RUNX1T1: variants seen among roughly 807,000 people sequenced by gnomAD.
RUNX1T1 encodes the protein protein CBFA2T1.
A neutral mutation model predicts 62.8 loss-of-function variants in RUNX1T1; 4 were observed. The observed-to-expected ratio is 0.06, with a 90% CI of 0.03 to 0.15. The LOEUF (loss-of-function observed/expected upper bound fraction) is 0.15. Ranked by LOEUF, RUNX1T1 falls within the 10% of genes least tolerant of loss-of-function variation. The probability of loss-of-function intolerance (pLI) is 1.00; values close to 1 mark genes in which losing one functional copy is unlikely to be tolerated. For synonymous variants in RUNX1T1, 291 were observed against 286.0 expected, an observed-to-expected ratio of 1.02 and a Z score of -0.18; for missense variants, 508 against 754.3, an observed-to-expected ratio of 0.67 and a Z score of 3.82.
At chr8:92,095,137 T>C (rs1327680617) in intron 1 of RUNX1T1, 3 of 1,535,540 alleles carry the variant, frequency 2.0e-6, no homozygotes, top group Non-Finnish European at 8.7e-7. Context: ...TCTTTCTCAC[T>C]CTGCTAATCT....
rs552156305 is a variant in RUNX1T1, at chr8:92,081,669, C to T, written c.-85-5532G>A. On this transcript the variant is annotated intron_variant, in intron 1 of 11. Coordinates refer to the RUNX1T1 transcript ENST00000265814. ...GGCATCTGTTCCATGCCAGCAATTTCCACCTGGAAAAAAAAAAATGGAACT... is the reference window on the plus strand; with the variant it reads ...GGCATCTGTTCCATGCCAGCAATTTTCACCTGGAAAAAAAAAAATGGAACT... Among the ~76,000 whole-genome samples the T allele has an allele frequency of 3.3e-5, 5 of 150,630 alleles. No homozygotes were observed. The East Asian group carries it at 9.8e-4, about 29-fold the overall frequency.
intron 1 of RUNX1T1, among the ~76,000 whole-genome samples, chr8:92,054,701 T>TA (rs1205817543): frequency 6.6e-6 from 1 of 152,068 alleles, no homozygotes; most frequent in African/African-American, 2.4e-5. Flanking sequence ...AAGCTAAAGA[T>TA]AAAATACATT....
chr8:91,958,825 G>C (rs1809774174), downstream of RUNX1T1: 1 of 185,736 alleles, frequency 5.4e-6, no homozygotes, highest in African/African-American at 2.4e-5. Context: ...ACACCAATAT[G>C]TTAGCATTCC....
At chr8:92,050,467 G>C (rs569164755) in intron 1 of RUNX1T1, among the ~76,000 whole-genome samples, 5 of 152,258 alleles carry the variant, frequency 3.3e-5, no homozygotes, top group African/African-American at 9.6e-5. Flanking sequence ...ACTGAGCACT[G>C]TGCTGGGTCT....
chr8:91,975,553 T>A (rs1416619702), intron 9 of RUNX1T1, among the ~76,000 whole-genome samples: 1 of 151,780 alleles, frequency 6.6e-6, no homozygotes, highest in Non-Finnish European at 1.5e-5. Flanking sequence ...ACACTGGAAT[T>A]TTTTCATCAA....
At chr8:92,095,179 G>A (rs1468662194) in intron 1 of RUNX1T1, 5 of 1,535,092 alleles carry the variant, frequency 3.3e-6, no homozygotes, top group African/African-American at 1.4e-5. Context: ...CAGCTAAGAG[G>A]AGCGACAGAT....
At chr8:92,035,420 C>T (rs888748227) in intron 1 of RUNX1T1, among the ~76,000 whole-genome samples, 5 of 151,912 alleles carry the variant, frequency 3.3e-5, no homozygotes, top group Non-Finnish European at 7.4e-5. Flanking sequence ...ATTTGGTACA[C>T]TAAAAGCCTC....
intron 1 of RUNX1T1, among the ~76,000 whole-genome samples, chr8:92,058,624 T>C (rs1831419777): frequency 6.6e-6 from 1 of 152,212 alleles, no homozygotes; most frequent in Admixed American, 6.5e-5. Context: ...AACAAGTCCC[T>C]TAATCTCTAG....
intron 1 of RUNX1T1, among the ~76,000 whole-genome samples, chr8:92,091,406 G>C (rs1462898475): frequency 3.9e-5 from 6 of 152,178 alleles, no homozygotes; most frequent in Non-Finnish European, 7.3e-5. Flanking sequence ...TTTCAAACAA[G>C]CAGGTCTTAC....
chr8:92,030,979 T>C (rs1425260698), intron 1 of RUNX1T1, among the ~76,000 whole-genome samples: 3 of 152,234 alleles, frequency 2.0e-5, no homozygotes, highest in South Asian at 4.1e-4. Context: ...GGATATCCCA[T>C]TGATAGTTAT....
chr8:92,055,422 G>T (rs1035003932), intron 1 of RUNX1T1, among the ~76,000 whole-genome samples: 8 of 152,134 alleles, frequency 5.3e-5, no homozygotes, highest in Non-Finnish European at 8.8e-5. Flanking sequence ...AACTTTGGGA[G>T]GCACTTCGCG....
intron 10 of RUNX1T1, among the ~76,000 whole-genome samples, chr8:91,962,995 T>G (rs929266973): frequency 6.6e-6 from 1 of 152,234 alleles, no homozygotes; most frequent in East Asian, 1.9e-4. Context: ...ACACACAGAC[T>G]AAACCAGGTA....
chr8:92,011,591 C>A (rs927469769), intron 3 of RUNX1T1, among the ~76,000 whole-genome samples: 1 of 152,200 alleles, frequency 6.6e-6, no homozygotes, highest in Non-Finnish European at 1.5e-5. Flanking sequence ...TCTGCCAAAG[C>A]ATCTTTGCTC....
chr8:92,014,780 G>A lies in RUNX1T1; in HGVS notation c.186C>T (p.Gly62=), dbSNP rs144377527. The A allele has an allele frequency of 7.7e-5, 125 of 1,613,516 alleles. 1 individual carries two copies. The African/African-American group carries it at 1.2e-3, about 16-fold the overall frequency. Residue 62 remains glycine (G), a synonymous_variant, in exon 3 of 11, where the codon GGC becomes GGT. Coordinates refer to ENST00000396218, the Ensembl canonical transcript of RUNX1T1. ...TGAAGCCATTGGGTGGTGAGGGGGC[G>A]CCATTCAAGGCTGTAGGAGAATGGC...
chr8:91,994,177 A>C (rs1818236138), intron 5 of RUNX1T1, among the ~76,000 whole-genome samples: 2 of 152,180 alleles, frequency 1.3e-5, no homozygotes, highest in African/African-American at 4.8e-5. Flanking sequence ...CTCCCTTCAA[A>C]GTATGTGTCT....
exon 11 of RUNX1T1, chr8:91,959,488 G>GTGTGTGTGTATA (rs1405432738): frequency 1.2e-5 from 1 of 84,810 alleles, no homozygotes; most frequent in African/African-American, 5.0e-5. Context: ...GTGTGTGTGT[G>GTGTGTGTGTATA]TATATATATA....
At chr8:92,074,138 G>C (rs1834079007) in intron 2 of RUNX1T1, among the ~76,000 whole-genome samples, 1 of 152,174 alleles carries the variant, frequency 6.6e-6, no homozygotes, top group Non-Finnish European at 1.5e-5. Flanking sequence ...GAGTAGGAGA[G>C]ACAGAGAAGA....
chr8:91,985,253 C>T (rs148465530), intron 8 of RUNX1T1, among the ~76,000 whole-genome samples: 195 of 152,198 alleles, frequency 1.3e-3, no homozygotes, highest in African/African-American at 4.3e-3. Flanking sequence ...AGTATTCACA[C>T]GTAATGGGTG....
chr8:92,081,797 ATC>A (rs1225516971), intron 1 of RUNX1T1, among the ~76,000 whole-genome samples: 1 of 151,680 alleles, frequency 6.6e-6, no homozygotes, highest in African/African-American at 2.4e-5. Context: ...CTATCAACTG[ATC>A]TCTCTCTCTC....
Sources: allele counts gnomAD v4.1 joint callset (sites outside exome capture counted in the v4.1 genomes callset), GRCh38; gene constraint gnomAD v4.1.1; transcripts MANE v1.5; gene names NCBI Gene and HGNC (gene_info 2026-07-23, HGNC 2026-07-21).